The following CDYL2 variants were observed in gnomAD, a reference collection of about 807,000 sequenced individuals.
CDYL2 encodes the protein chromodomain Y-like protein 2.
In CDYL2, 23 loss-of-function variants were observed where a neutral mutation model predicts 49.4. The ratio of observed to expected loss-of-function variants is 0.47; its 90% CI spans 0.34 to 0.66. The LOEUF (loss-of-function observed/expected upper bound fraction) is 0.66. CDYL2 is among the 30% of genes least tolerant of loss of function. CDYL2 has a pLI of 0.01. For missense variants in CDYL2, 678 were observed against 656.4 expected (o/e 1.03, Z -0.36); for synonymous variants, 360 against 268.8 (o/e 1.34, Z -3.32).
rs573794931 is a variant in CDYL2, at chr16:80,786,681, C to A, written c.24+17469G>T. ...ACTTGGAACCAACCCAAATGTCCAT[C>A]AATGATAGACTGGATTAAGAAAATG... On this transcript the variant is annotated intron_variant, in intron 1 of 6. Coordinates refer to ENST00000570137, the MANE Select transcript of CDYL2 (RefSeq NM_152342.4). Among the ~76,000 whole-genome samples the A allele has an allele frequency of 3.9e-5, 6 of 152,182 alleles. No individual in the cohort carries two copies. The East Asian group carries it at 1.2e-3, about 29-fold the overall frequency.
chr16:80,653,647 T>C (rs927005958), intron 2 of CDYL2, among the ~76,000 whole-genome samples: 1 of 152,236 alleles, frequency 6.6e-6, no homozygotes, highest in African/African-American at 2.4e-5. Flanking sequence ...AAGCACATCA[T>C]GGAGAATGGG....
intron 2 of CDYL2, among the ~76,000 whole-genome samples, chr16:80,668,916 T>TA (rs1567563170): frequency 6.6e-6 from 1 of 151,868 alleles, no homozygotes; most frequent in African/African-American, 2.4e-5. Flanking sequence ...AATAATAATT[T>TA]AAAAATAAAA....
intron 1 of CDYL2, among the ~76,000 whole-genome samples, chr16:80,719,046 TC>T (rs891948287): frequency 1.3e-5 from 2 of 152,188 alleles, no homozygotes; most frequent in Non-Finnish European, 2.9e-5. Context: ...GGGCAGCAGC[TC>T]CTGAGATTCC....
In CDYL2 at chr16:80,598,701, C is replaced by G. The variant is rs571012980; in HGVS notation, c.*5687G>C. The G allele has an allele frequency of 6.6e-6, 1 of 152,252 alleles. No homozygotes were observed. Among genetic ancestry groups the G allele is most frequent in the East Asian group, 1.9e-4 (1 of 5,176 alleles). 9.4% of individuals were successfully genotyped at this position (152,252 alleles called of 1,614,324 possible). ...CAGGCTTGGGACTACACAGTAGAAA[C>G]ACCAACCTGAGATAGTGAGCTTCAA... On this transcript the variant is annotated 3_prime_UTR_variant, in exon 7 of 7. Transcript: ENST00000570137.
intron 2 of CDYL2, among the ~76,000 whole-genome samples, chr16:80,666,455 G>A (rs1909267506): frequency 6.6e-6 from 1 of 152,182 alleles, no homozygotes; most frequent in South Asian, 2.1e-4. Context: ...GATGCACCCT[G>A]CTGAAAAGAA....
At chr16:80,615,141 A>C (rs764194610) in intron 4 of CDYL2, among the ~76,000 whole-genome samples, 10 of 152,114 alleles carry the variant, frequency 6.6e-5, no homozygotes, top group Admixed American at 2.0e-4. Flanking sequence ...GGCCCCCAAA[A>C]GGTACTACTT....
In CDYL2 at chr16:80,728,096, T is replaced by G. The variant is rs12599899; in HGVS notation, c.25-42967A>C. ...TCACCAGCAATGGAACAAAGCTGGATGGGGAATGACTTTGACGAGCTGAGA... is the reference window on the plus strand; with the variant it reads ...TCACCAGCAATGGAACAAAGCTGGAGGGGGAATGACTTTGACGAGCTGAGA... On this transcript the variant is annotated intron_variant, in intron 1 of 6. Coordinates refer to ENST00000570137, the MANE Select transcript of CDYL2 (RefSeq NM_152342.4). Among the ~76,000 whole-genome samples the G allele has an allele frequency of 3.3e-5, 5 of 152,126 alleles. No homozygotes were observed. The East Asian group carries it at 7.7e-4, about 23-fold the overall frequency.
intron 1 of CDYL2, 87 bp downstream of exon 1, chr16:80,804,063 C>T: frequency 1.1e-6 from 1 of 910,834 alleles, no homozygotes; most frequent in Non-Finnish European, 1.3e-6. Context: ...CGCCCGGCCC[C>T]GGCCCCGGCC....
At chr16:80,760,574 C>G (rs2142382513) in intron 1 of CDYL2, among the ~76,000 whole-genome samples, 1 of 152,188 alleles carries the variant, frequency 6.6e-6, no homozygotes, top group South Asian at 2.1e-4. Flanking sequence ...TGCATGCCTG[C>G]ATCAAAACAT....
intron 1 of CDYL2, among the ~76,000 whole-genome samples, chr16:80,703,366 C>G (rs1904314379): frequency 6.6e-6 from 1 of 152,158 alleles, no homozygotes; most frequent in South Asian, 2.1e-4. Flanking sequence ...AACCCCACGG[C>G]TTGTCACATG....
At chr16:80,606,133 G>A (rs78064125) in intron 6 of CDYL2, among the ~76,000 whole-genome samples, 5,547 of 152,322 alleles carry the variant, frequency 0.036, 318 homozygotes, top group African/African-American at 0.12. Flanking sequence ...GGGAGGGGCT[G>A]CACCCTCACT....
chr16:80,723,338 T>C (rs550456812), intron 1 of CDYL2, among the ~76,000 whole-genome samples: 31 of 152,248 alleles, frequency 2.0e-4, no homozygotes, highest in Admixed American at 1.3e-4. Context: ...AGTCCAGCTT[T>C]GGGCTTGCAG....
intron 2 of CDYL2, among the ~76,000 whole-genome samples, chr16:80,668,989 C>G (rs748576439): frequency 4.0e-5 from 6 of 151,744 alleles, no homozygotes; most frequent in Non-Finnish European, 7.4e-5. Flanking sequence ...CTATTTGTAA[C>G]TTTAGAAAAC....
intron 2 of CDYL2, among the ~76,000 whole-genome samples, chr16:80,646,367 G>T (rs1337190866): frequency 6.6e-6 from 1 of 152,006 alleles, no homozygotes; most frequent in Non-Finnish European, 1.5e-5. Flanking sequence ...AAGAAAGAAG[G>T]AAAAGAAGTG....
intron 1 of CDYL2, among the ~76,000 whole-genome samples, chr16:80,705,281 C>T (rs1227885187): frequency 2.6e-5 from 4 of 152,226 alleles, no homozygotes; most frequent in African/African-American, 7.2e-5. Context: ...CCCTCAGGGT[C>T]AGGTGGCTGG....
chr16:80,634,702 A>G (rs1907737680), intron 2 of CDYL2, among the ~76,000 whole-genome samples: 1 of 152,188 alleles, frequency 6.6e-6, no homozygotes, highest in African/African-American at 2.4e-5. Flanking sequence ...TGCTCTGCCC[A>G]TGTATTTGAT....
intron 2 of CDYL2, among the ~76,000 whole-genome samples, chr16:80,684,188 C>T (rs1308375235): frequency 1.3e-5 from 2 of 152,170 alleles, no homozygotes; most frequent in African/African-American, 2.4e-5. Flanking sequence ...GCTGAGGACA[C>T]GTGTCTTGGG....
At chr16:80,789,445 C>G (rs1483538925) in intron 1 of CDYL2, among the ~76,000 whole-genome samples, 1 of 152,018 alleles carries the variant, frequency 6.6e-6, no homozygotes, top group East Asian at 1.9e-4. Flanking sequence ...ACTAAAAATA[C>G]AAAAATTAGC....
chr16:80,739,552 G>T (rs1813649964), intron 1 of CDYL2, among the ~76,000 whole-genome samples: 1 of 152,182 alleles, frequency 6.6e-6, no homozygotes, highest in Admixed American at 6.5e-5. Flanking sequence ...CAGCGGGGCA[G>T]ATTCACACAG....
Sources: gnomAD v4.1 joint callset for allele counts (sites outside exome capture counted in the v4.1 genomes callset) on GRCh38, gnomAD v4.1.1 for gene constraint, MANE v1.5 for transcripts, NCBI Gene and HGNC (gene_info 2026-07-23, HGNC 2026-07-21) for gene names.